The following SH3RF3 variants were observed in gnomAD, a reference collection of about 807,000 sequenced individuals.
The protein encoded by SH3RF3 is E3 ubiquitin-protein ligase SH3RF3.
In SH3RF3, 29 loss-of-function variants were observed where a neutral mutation model predicts 66.3. The observed-to-expected ratio is 0.44, with a 90% CI of 0.33 to 0.60. The LOEUF is 0.60. Ranked by LOEUF, SH3RF3 falls within the 20% of genes least tolerant of loss-of-function variation. The probability of loss-of-function intolerance (pLI) is 0.04; values close to 1 mark genes in which losing one functional copy is unlikely to be tolerated. For missense variants in SH3RF3, 1,194 were observed against 1,190.9 expected (o/e 1.00, Z -0.04); for synonymous variants, 583 against 532.0 (o/e 1.10, Z -1.32).
At chr2:109,355,031 G>C (rs907316739) in intron 2 of SH3RF3, among the ~76,000 whole-genome samples, 1 of 152,192 alleles carries the variant, frequency 6.6e-6, no homozygotes, top group Non-Finnish European at 1.5e-5. Flanking sequence ...TATGTTCACA[G>C]CTCAGGCTTA....
chr2:109,497,720 T>C (rs1679291350), intron 9 of SH3RF3, among the ~76,000 whole-genome samples: 1 of 152,224 alleles, frequency 6.6e-6, no homozygotes, highest in South Asian at 2.1e-4. Context: ...TAAACACTTG[T>C]CTCGTATAAA....
At chr2:109,390,373 C>T (rs139147755) in intron 3 of SH3RF3, among the ~76,000 whole-genome samples, 140 of 152,312 alleles carry the variant, frequency 9.2e-4, no homozygotes, top group African/African-American at 3.0e-3. Context: ...CTAATCAGGC[C>T]GTTCTGCTGC....
At chr2:109,344,139 G>C (rs12470895) in intron 1 of SH3RF3, among the ~76,000 whole-genome samples, 1 of 152,210 alleles carries the variant, frequency 6.6e-6, no homozygotes, top group East Asian at 1.9e-4. Context: ...ATATAGAGGG[G>C]ACCTGCTACG....
chr2:109,227,744 G>A (rs1221111628), intron 1 of SH3RF3, among the ~76,000 whole-genome samples: 1 of 152,178 alleles, frequency 6.6e-6, no homozygotes, highest in East Asian at 1.9e-4. Context: ...CAGTCCTTTC[G>A]GGTCCAACGC....
intron 1 of SH3RF3, among the ~76,000 whole-genome samples, chr2:109,162,491 G>A (rs1305225888): frequency 1.3e-5 from 2 of 152,276 alleles, no homozygotes; most frequent in South Asian, 4.2e-4. Context: ...GTATACATGT[G>A]CCATGTTGGT....
intron 5 of SH3RF3, among the ~76,000 whole-genome samples, chr2:109,422,390 A>G (rs1227603486): frequency 6.6e-6 from 1 of 152,168 alleles, no homozygotes; most frequent in Non-Finnish European, 1.5e-5. Flanking sequence ...TGAGCCCTTG[A>G]GATTAAGAGG....
At chr2:109,305,326 C>T (rs1474420726) in intron 1 of SH3RF3, among the ~76,000 whole-genome samples, 2 of 151,996 alleles carry the variant, frequency 1.3e-5, no homozygotes, top group South Asian at 2.1e-4. Context: ...GAGGATGAAG[C>T]GCCTCTTCTG....
In SH3RF3 at chr2:109,371,567, G is replaced by C. The variant is rs1416899577; in HGVS notation, c.850-19G>C. On this transcript the variant is annotated intron_variant, in intron 2 of 9. Transcript: ENST00000309415. ...TGTGTGTCCGTATGCTTGTGTCCACGGTGGACCCGGAACTGCAGGACGAGA... is the reference window on the plus strand; with the variant it reads ...TGTGTGTCCGTATGCTTGTGTCCACCGTGGACCCGGAACTGCAGGACGAGA... The C allele has an allele frequency of 6.2e-7, 1 of 1,611,168 alleles. No homozygotes were observed. The highest frequency in any genetic ancestry group is 1.7e-5 in the Admixed American group (1 of 59,946).
chr2:109,153,876 T>C (rs1412996763), intron 1 of SH3RF3, among the ~76,000 whole-genome samples: 2 of 152,350 alleles, frequency 1.3e-5, no homozygotes, highest in African/African-American at 4.8e-5. Flanking sequence ...TCTGGGACAT[T>C]AGCAGTCGGG....
chr2:109,210,279 T>C (rs1574505990), intron 1 of SH3RF3, among the ~76,000 whole-genome samples: 1 of 152,362 alleles, frequency 6.6e-6, no homozygotes, highest in East Asian at 1.9e-4. Flanking sequence ...TGTACAAACA[T>C]CTGTTTGAGT....
At chr2:109,236,736 T>G (rs1336755899) in intron 1 of SH3RF3, among the ~76,000 whole-genome samples, 1 of 152,212 alleles carries the variant, frequency 6.6e-6, no homozygotes, top group African/African-American at 2.4e-5. Context: ...CAGCATGGAC[T>G]GTTTCCTGTT....
In SH3RF3 at chr2:109,383,059, G is replaced by A. The variant is rs568566920; in HGVS notation, c.945+11378G>A. Among the ~76,000 whole-genome samples, 6 of 152,296 alleles carry A rather than the reference G, an allele frequency of 3.9e-5. No homozygotes were observed. The South Asian group carries it at 6.2e-4, about 16-fold the overall frequency. ...CATTTAAAGAAGTTTGGAGGAAACC[G>A]GTGTCAGATTCCATGCAGCCCTGAG... On this transcript the variant is annotated intron_variant, in intron 3 of 9. Transcript: ENST00000309415.
chr2:109,364,159 GT>G (rs564757649), intron 2 of SH3RF3, among the ~76,000 whole-genome samples: 2,324 of 141,844 alleles, frequency 0.016, 49 homozygotes, highest in African/African-American at 0.055. Context: ...CTCCATTATG[GT>G]TTTTTTTTTT....
intron 1 of SH3RF3, among the ~76,000 whole-genome samples, chr2:109,280,348 G>A (rs567892742): frequency 6.6e-6 from 1 of 152,324 alleles, no homozygotes; most frequent in African/African-American, 2.4e-5. Flanking sequence ...GCCAGCCAGT[G>A]GCAGTGGGCT....
At chr2:109,287,691 C>T (rs1170993492) in intron 1 of SH3RF3, among the ~76,000 whole-genome samples, 1 of 152,186 alleles carries the variant, frequency 6.6e-6, no homozygotes, top group Non-Finnish European at 1.5e-5. Context: ...CGGATCCTAT[C>T]AGAGGCCTCA....
intron 4 of SH3RF3, among the ~76,000 whole-genome samples, chr2:109,402,031 G>A (rs1676330125): frequency 1.3e-5 from 2 of 152,188 alleles, no homozygotes; most frequent in Admixed American, 1.3e-4. Flanking sequence ...AGCAGTTGCC[G>A]CCTGTCTCCC....
At chr2:109,433,703 A>G (rs904827001) in intron 6 of SH3RF3, among the ~76,000 whole-genome samples, 3 of 152,214 alleles carry the variant, frequency 2.0e-5, no homozygotes, top group African/African-American at 7.2e-5. Context: ...TCGCAAGGCA[A>G]TCTTCAGCCA....
chr2:109,210,377 A>G (rs933690886), intron 1 of SH3RF3, among the ~76,000 whole-genome samples: 2 of 152,230 alleles, frequency 1.3e-5, no homozygotes, highest in African/African-American at 4.8e-5. Flanking sequence ...AAAGCGGGAA[A>G]GCCTGGTCTT....
chr2:109,193,285 G>T (rs1678414391), intron 1 of SH3RF3, among the ~76,000 whole-genome samples: 1 of 152,122 alleles, frequency 6.6e-6, no homozygotes, highest in South Asian at 2.1e-4. Flanking sequence ...TTCTTTTAAG[G>T]CTTTATTGAG....
Sources: allele counts gnomAD v4.1 joint callset (sites outside exome capture counted in the v4.1 genomes callset), GRCh38; gene constraint gnomAD v4.1.1; transcripts MANE v1.5; gene names NCBI Gene and HGNC (gene_info 2026-07-23, HGNC 2026-07-21).